Variants in LYRM4 observed in about 807,000 individuals in gnomAD.
The protein encoded by LYRM4 is LYR motif-containing protein 4.
LYRM4 carries 9 observed loss-of-function variants against 11.7 expected under a neutral mutation model. The observed-to-expected ratio is 0.77, with a 90% CI of 0.46 to 1.34. The LOEUF (loss-of-function observed/expected upper bound fraction) is 1.34, where lower values mean the gene tolerates loss of function less well. LYRM4 is among the 40% of genes most tolerant of loss of function. The probability of loss-of-function intolerance (pLI) is 0.00; values close to 1 mark genes in which losing one functional copy is unlikely to be tolerated. For missense variants in LYRM4, 133 were observed against 112.5 expected, an observed-to-expected ratio of 1.18 and a Z score of -0.82; for synonymous variants, 42 against 40.4, an observed-to-expected ratio of 1.04 and a Z score of -0.15.
At chr6:5,048,111 A>T in the LYRM4 span, among the ~76,000 whole-genome samples, 1 of 152,218 alleles carries the variant, frequency 6.6e-6, no homozygotes, top group African/African-American at 2.4e-5. Flanking sequence ...ATATTCTGTT[A>T]AAGTTATGAG....
chr6:5,133,745 C>T (rs1764062328), intron 2 of LYRM4, among the ~76,000 whole-genome samples: 2 of 152,170 alleles, frequency 1.3e-5, no homozygotes, highest in South Asian at 4.1e-4. Flanking sequence ...AAGGAAACCC[C>T]ATACTCATTA....
chr6:5,258,306 G>A (rs921796621), intron 1 of LYRM4, among the ~76,000 whole-genome samples: 1 of 152,196 alleles, frequency 6.6e-6, no homozygotes, highest in Non-Finnish European at 1.5e-5. Flanking sequence ...ATTAAAAAAC[G>A]TTTACTAGTC....
chr6:5,048,143 A>G, the LYRM4 span, among the ~76,000 whole-genome samples: 1 of 152,226 alleles, frequency 6.6e-6, no homozygotes, highest in Admixed American at 6.5e-5. Flanking sequence ...TAAGATTTGT[A>G]TTGAATATAG....
intron 2 of LYRM4, among the ~76,000 whole-genome samples, chr6:5,147,315 G>A (rs1341390801): frequency 2.0e-5 from 3 of 150,570 alleles, no homozygotes; most frequent in Admixed American, 1.3e-4. Flanking sequence ...GGAAGTAAAC[G>A]TGTGTAGTTA....
chr6:5,220,392 T>G (rs924628301), intron 1 of LYRM4, among the ~76,000 whole-genome samples: 1 of 152,232 alleles, frequency 6.6e-6, no homozygotes, highest in Non-Finnish European at 1.5e-5. Flanking sequence ...TCTCAAGTGC[T>G]GGTTTCTCTG....
chr6:5,048,632 C>G, the LYRM4 span, among the ~76,000 whole-genome samples: 2 of 152,108 alleles, frequency 1.3e-5, no homozygotes, highest in African/African-American at 4.8e-5. Flanking sequence ...GTCAACATGC[C>G]CAGCCCTTGT....
At chr6:5,201,401 A>C (rs182804708) in intron 2 of LYRM4, among the ~76,000 whole-genome samples, 3 of 152,176 alleles carry the variant, frequency 2.0e-5, no homozygotes, top group Admixed American at 6.5e-5. Flanking sequence ...CAATGCATCA[A>C]ATCATCATCA....
At chr6:5,204,675 C>A (rs1415747808) in intron 2 of LYRM4, among the ~76,000 whole-genome samples, 1 of 152,250 alleles carries the variant, frequency 6.6e-6, no homozygotes, top group Middle Eastern at 3.4e-3. Context: ...CCTTTCAACA[C>A]TGAAGTTCCC....
chr6:5,052,387 G>T, the LYRM4 span, among the ~76,000 whole-genome samples: 8 of 152,218 alleles, frequency 5.3e-5, no homozygotes, highest in Non-Finnish European at 7.3e-5. Context: ...GAGCAGAGCT[G>T]CATAGAAGCA....
chr6:5,237,981 T>C (rs372842256), intron 1 of LYRM4, among the ~76,000 whole-genome samples: 10 of 152,300 alleles, frequency 6.6e-5, no homozygotes, highest in African/African-American at 1.9e-4. Flanking sequence ...TTACTAATCA[T>C]GGTCCTCTCC....
chr6:5,045,621 C>T, the LYRM4 span, among the ~76,000 whole-genome samples: 1 of 152,150 alleles, frequency 6.6e-6, no homozygotes, highest in Non-Finnish European at 1.5e-5. Context: ...ATTGGCAGCT[C>T]TCTGAGATTT....
chr6:5,042,970 G>A, the LYRM4 span: 3 of 152,206 alleles, frequency 2.0e-5, no homozygotes, highest in African/African-American at 7.2e-5. Flanking sequence ...TTCCCCAAGA[G>A]GCAGCTGCTG....
chr6:5,249,872 A>T (rs1029326793), intron 1 of LYRM4, among the ~76,000 whole-genome samples: 7 of 152,218 alleles, frequency 4.6e-5, no homozygotes, highest in African/African-American at 7.2e-5. Context: ...AGAAAGGGGT[A>T]TACAGGAGAA....
chr6:5,201,624 A>T (rs556754954), intron 2 of LYRM4, among the ~76,000 whole-genome samples: 1 of 151,968 alleles, frequency 6.6e-6, no homozygotes, highest in Non-Finnish European at 1.5e-5. Flanking sequence ...GACCCCCTGC[A>T]CCTCATTTCT....
chr6:5,181,413 G>A (rs933381610), intron 2 of LYRM4, among the ~76,000 whole-genome samples: 7 of 152,210 alleles, frequency 4.6e-5, no homozygotes, highest in Admixed American at 1.3e-4. Flanking sequence ...TTTTGCATTG[G>A]CTTTTTCCTC....
At chr6:5,178,289 CT>C (rs1759839444) in intron 2 of LYRM4, among the ~76,000 whole-genome samples, 1 of 152,020 alleles carries the variant, frequency 6.6e-6, no homozygotes, top group Non-Finnish European at 1.5e-5. Flanking sequence ...ACTCAATTTT[CT>C]TATGTGTATC....
chr6:5,141,963 C>T (rs1366932266), intron 2 of LYRM4, among the ~76,000 whole-genome samples: 2 of 152,144 alleles, frequency 1.3e-5, no homozygotes, highest in Non-Finnish European at 2.9e-5. Context: ...TTACCCAGCA[C>T]AAACCCATGC....
chr6:5,178,104 C>T (rs1316320171), intron 2 of LYRM4, among the ~76,000 whole-genome samples: 1 of 152,096 alleles, frequency 6.6e-6, no homozygotes, highest in Admixed American at 6.6e-5. Flanking sequence ...CATCTTATAT[C>T]CCTGGTGTCT....
chr6:5,157,967 G>A (rs1481525799), intron 2 of LYRM4, among the ~76,000 whole-genome samples: 1 of 152,226 alleles, frequency 6.6e-6, no homozygotes, highest in Non-Finnish European at 1.5e-5. Flanking sequence ...AAAAGAGGAT[G>A]CAGGACTTGA....
Sources: gnomAD v4.1 joint callset for allele counts (sites outside exome capture counted in the v4.1 genomes callset) on GRCh38, gnomAD v4.1.1 for gene constraint, MANE v1.5 for transcripts, NCBI Gene and HGNC (gene_info 2026-07-23, HGNC 2026-07-21) for gene names.